The following ULK4 variants were observed in gnomAD, a reference collection of about 807,000 sequenced individuals.
ULK4 encodes inactive serine/threonine-protein kinase ULK4.
A neutral mutation model predicts 160.6 loss-of-function variants in ULK4; 133 were observed. The observed-to-expected ratio is 0.83, with a 90% confidence interval of 0.72 to 0.96. ULK4 has a LOEUF of 0.96. ULK4 is among the 40% of genes least tolerant of loss of function. ULK4 has a pLI of 0.00. For missense variants in ULK4, 1,580 were observed against 1,499.5 expected (o/e 1.05, Z -0.89); for synonymous variants, 534 against 539.8 (o/e 0.99, Z 0.15).
intron 22 of ULK4, among the ~76,000 whole-genome samples, chr3:41,753,898 G>A (rs2038708756): frequency 1.3e-5 from 2 of 152,176 alleles, no homozygotes; most frequent in Admixed American, 6.5e-5. Flanking sequence ...CAATGGCAGA[G>A]GGTAAAGGAA....
chr3:41,529,602 A>T (rs534163314), intron 32 of ULK4, among the ~76,000 whole-genome samples: 1 of 152,278 alleles, frequency 6.6e-6, no homozygotes, highest in South Asian at 2.1e-4. Context: ...CTTGTGCCTC[A>T]GTCTCCCATG....
intron 31 of ULK4, among the ~76,000 whole-genome samples, chr3:41,596,606 G>C (rs934707463): frequency 3.9e-5 from 6 of 152,134 alleles, no homozygotes; most frequent in African/African-American, 1.4e-4. Flanking sequence ...TCATGGGTGA[G>C]CTGGAAGGAC....
At chr3:41,547,394 A>T (rs1420941604) in intron 32 of ULK4, among the ~76,000 whole-genome samples, 1 of 152,186 alleles carries the variant, frequency 6.6e-6, no homozygotes, top group Non-Finnish European at 1.5e-5. Context: ...AGGCACAGAA[A>T]GAGAAGTGAG....
In ULK4 at chr3:41,464,006, T is replaced by TAA. The variant is rs11395404; in HGVS notation, c.3227-755_3227-754dup. 7.4e-3 allele frequency among the ~76,000 whole-genome samples: 1,073 copies of TAA among 144,620 alleles called. 9 individuals carry two copies. Among genetic ancestry groups the TAA allele is most frequent in the African/African-American group, 0.02 (793 of 39,828 alleles). The allele number at this position is 144,620 out of a possible 152,430, so 94.9% of individuals were successfully genotyped here. Reference sequence around the variant, plus strand: ...CAGTAGAGCATAAATTCAGATGTTCTAAAAAAAAAAAAAAAGTGAATTTTC... The same window carrying TAA: ...CAGTAGAGCATAAATTCAGATGTTCTAAAAAAAAAAAAAAAAAGTGAATTTTC... On this transcript the variant is annotated intron_variant, in intron 32 of 36. Transcript: ENST00000301831.
In ULK4 at chr3:41,361,625, G is replaced by A. The variant is rs73828003; in HGVS notation, c.3678+36454C>T. 4.1e-3 allele frequency among the ~76,000 whole-genome samples: 624 copies of A among 152,256 alleles called. 2 individuals are homozygous for A. The highest frequency in any genetic ancestry group is 0.014 in the African/African-American group (601 of 41,552). On this transcript the variant is annotated intron_variant, in intron 35 of 36. Transcript: ENST00000301831. ...ACTATGAGATAAGTTTTCATATCCC[G>A]ATGTGACTGACTAGAACCTTTTTTT...
In ULK4 at chr3:41,409,445, G is replaced by A. The variant is rs570715343; in HGVS notation, c.3493-11181C>T. On this transcript the variant is annotated intron_variant, in intron 34 of 36. Coordinates refer to ENST00000301831, the MANE Select transcript of ULK4 (RefSeq NM_017886.4). ...AAGGATATAACCAAGAAAGTAAAAA[G>A]ACAACCCACAAGAGAAATATTTTAT... 2.6e-5 allele frequency among the ~76,000 whole-genome samples: 4 copies of A among 152,128 alleles called. No individual in the cohort carries two copies. The South Asian group carries it at 6.2e-4, about 24-fold the overall frequency.
At chr3:41,840,564 C>T (rs2041884183) in intron 17 of ULK4, among the ~76,000 whole-genome samples, 3 of 152,250 alleles carry the variant, frequency 2.0e-5, no homozygotes, top group Non-Finnish European at 4.4e-5. Flanking sequence ...TTGGAGGAGA[C>T]AGGGTTTTGC....
intron 32 of ULK4, among the ~76,000 whole-genome samples, chr3:41,481,525 C>T (rs1384719233): frequency 6.6e-6 from 1 of 152,310 alleles, no homozygotes; most frequent in East Asian, 1.9e-4. Flanking sequence ...ATCCCACTGT[C>T]TTAAGAACAA....
At chr3:41,446,827 T>C (rs2083307842) in intron 34 of ULK4, among the ~76,000 whole-genome samples, 1 of 151,352 alleles carries the variant, frequency 6.6e-6, no homozygotes, top group African/African-American at 2.4e-5. Context: ...TGTATATATA[T>C]GTAACAAACC....
chr3:41,843,852 G>A (rs1187589029), intron 17 of ULK4, among the ~76,000 whole-genome samples: 4 of 152,040 alleles, frequency 2.6e-5, no homozygotes. Flanking sequence ...TTTTGGCAGG[G>A]CACTGACTGG....
chr3:41,912,145 T>A (rs1216157706), intron 9 of ULK4, among the ~76,000 whole-genome samples: 1 of 151,936 alleles, frequency 6.6e-6, no homozygotes, highest in Non-Finnish European at 1.5e-5. Context: ...CTGGGCAACA[T>A]GGTGAAACCC....
chr3:41,389,246 G>C (rs1346261456), intron 35 of ULK4, among the ~76,000 whole-genome samples: 5 of 152,126 alleles, frequency 3.3e-5, no homozygotes, highest in Admixed American at 6.6e-5. Flanking sequence ...TGCTGAAGTT[G>C]CCTATCAGCT....
At chr3:41,538,676 T>C (rs2086594250) in intron 32 of ULK4, among the ~76,000 whole-genome samples, 1 of 152,178 alleles carries the variant, frequency 6.6e-6, no homozygotes, top group Non-Finnish European at 1.5e-5. Context: ...GTATTTTAAA[T>C]AGATCTCACA....
chr3:41,850,715 G>C (rs909641397), intron 17 of ULK4, among the ~76,000 whole-genome samples: 2 of 152,024 alleles, frequency 1.3e-5, no homozygotes, highest in African/African-American at 4.8e-5. Context: ...TTAGTCCTTT[G>C]TCAGATGAGT....
intron 32 of ULK4, among the ~76,000 whole-genome samples, chr3:41,493,555 A>G (rs1442455720): frequency 8.2e-6 from 1 of 122,020 alleles, no homozygotes; most frequent in African/African-American, 3.2e-5. Flanking sequence ...AAAAGCTACC[A>G]GAAGGCAAGA....
chr3:41,615,211 G>C (rs1311502347), intron 31 of ULK4, among the ~76,000 whole-genome samples: 1 of 152,176 alleles, frequency 6.6e-6, no homozygotes, highest in Non-Finnish European at 1.5e-5. Flanking sequence ...GTGTATGGAA[G>C]CTAAGCTATT....
At chr3:41,392,638 T>C (rs540533988) in intron 35 of ULK4, among the ~76,000 whole-genome samples, 58 of 152,248 alleles carry the variant, frequency 3.8e-4, no homozygotes, top group Admixed American at 2.8e-3. Flanking sequence ...GAGGCTACTC[T>C]TCCCATCAGG....
At chr3:41,934,879 G>C (rs1157596248) in intron 4 of ULK4, among the ~76,000 whole-genome samples, 3 of 151,982 alleles carry the variant, frequency 2.0e-5, no homozygotes, top group Non-Finnish European at 1.5e-5. Flanking sequence ...TTATCTTATA[G>C]ACATATTGGG....
intron 17 of ULK4, among the ~76,000 whole-genome samples, chr3:41,873,629 C>T (rs1225305294): frequency 6.6e-6 from 1 of 152,214 alleles, no homozygotes; most frequent in African/African-American, 2.4e-5. Flanking sequence ...TCTCAGCTCA[C>T]TGCAACCTCT....
Sources: gnomAD v4.1 joint callset for allele counts (sites outside exome capture counted in the v4.1 genomes callset) on GRCh38, gnomAD v4.1.1 for gene constraint, MANE v1.5 for transcripts, NCBI Gene and HGNC (gene_info 2026-07-23, HGNC 2026-07-21) for gene names.